The following RXFP1 variants were observed in gnomAD, a reference collection of about 807,000 sequenced individuals.
RXFP1 encodes the protein relaxin family peptide receptor 1.
RXFP1 carries 73 observed loss-of-function variants against 89.8 expected under a neutral mutation model. That is an observed-to-expected ratio of 0.81 (90% CI 0.67 to 0.99). RXFP1 has a LOEUF of 0.99. Ranked by LOEUF, RXFP1 falls within the 50% of genes least tolerant of loss-of-function variation. The pLI, the probability that RXFP1 is intolerant of heterozygous loss-of-function variation, is 0.00. For missense variants in RXFP1, 793 were observed against 895.5 expected (o/e 0.89, Z 1.46); for synonymous variants, 277 against 305.5 (o/e 0.91, Z 0.97).
At chr4:158,612,612 CTTTTT>C (rs1158067958) in intron 8 of RXFP1, among the ~76,000 whole-genome samples, 1 of 140,280 alleles carries the variant, frequency 7.1e-6, no homozygotes. Flanking sequence ...TCACAATATT[CTTTTT>C]TTTTTTTTTT....
At chr4:158,579,197 C>T (rs538336537) in intron 2 of RXFP1, among the ~76,000 whole-genome samples, 29 of 152,008 alleles carry the variant, frequency 1.9e-4, no homozygotes, top group African/African-American at 5.3e-4. Context: ...CCTTCTGAGA[C>T]GCTGTGGCCC....
chr4:158,647,155 T>C lies in RXFP1; in HGVS notation c.1710T>C (p.Asp570=), dbSNP rs375065372. 6 of 1,609,932 alleles carry C rather than the reference T, an allele frequency of 3.7e-6. No individual in the cohort carries two copies. Among genetic ancestry groups the C allele is most frequent in the East Asian group, 2.2e-5 (1 of 44,854 alleles). The change falls in exon 16 of 18, where the codon GAT becomes GAC. Residue 570 remains aspartate, a synonymous_variant. Coordinates refer to ENST00000307765, the MANE Select transcript of RXFP1 (RefSeq NM_021634.4). Reference sequence around the variant, plus strand: ...TATGCTTCCCTCTTCATTCAGAAGATACAGAAAGTATTGGAGCCCAGATTT... The same window carrying C: ...TATGCTTCCCTCTTCATTCAGAAGACACAGAAAGTATTGGAGCCCAGATTT... The part of the protein sequence containing the change: ...NGVCFPLHSE[D]TESIGAQIYS...
chr4:158,546,402 A>G (rs1748427246), intron 1 of RXFP1, among the ~76,000 whole-genome samples: 1 of 152,170 alleles, frequency 6.6e-6, no homozygotes, highest in Non-Finnish European at 1.5e-5. Flanking sequence ...GCAAACAGGG[A>G]CAATTTGACT....
intron 3 of RXFP1, among the ~76,000 whole-genome samples, chr4:158,597,688 T>A (rs1466956361): frequency 1.3e-5 from 2 of 152,178 alleles, no homozygotes; most frequent in Non-Finnish European, 2.9e-5. Context: ...ATATGAATTA[T>A]CTTAATTTAG....
At chr4:158,644,824 C>T (rs1433049880) in intron 14 of RXFP1, 85 bp from the exon 15 acceptor site, 12 of 903,870 alleles carry the variant, frequency 1.3e-5, no homozygotes, top group Middle Eastern at 2.4e-4. Context: ...TTCTTTCTAC[C>T]GATAAAATGT....
intron 1 of RXFP1, chr4:158,544,326 G>A (rs1747633549): frequency 2.0e-6 from 2 of 985,152 alleles, no homozygotes; most frequent in Non-Finnish European, 2.4e-6. Context: ...AAAACACTCT[G>A]ATGAGACAGC....
Position 158,652,769 on chromosome 4 carries a change from G to A in RXFP1, c.*714G>A, listed in dbSNP as rs1205417330. The A allele has an allele frequency of 2.6e-5, 4 of 152,200 alleles. No individual in the cohort carries two copies. Among genetic ancestry groups the A allele is most frequent in the South Asian group, 2.1e-4 (1 of 4,834 alleles). The allele number at this position is 152,200 out of a possible 1,614,324, so 9.4% of individuals were successfully genotyped here. A position where few individuals can be genotyped will look rare whatever the true frequency, so the allele number is the denominator to read the frequency against. ...ATGGAATTGGAATAGGAGAGTATGA[G>A]TACGGCAGAGAAGTGGATCAGAAAA... On this transcript the variant is annotated 3_prime_UTR_variant, in exon 18 of 18. Coordinates refer to ENST00000307765, the MANE Select transcript of RXFP1 (RefSeq NM_021634.4).
rs947262146 is a variant in RXFP1 at position 158,646,486 on chromosome 4, G to C, written c.1346-305G>C. 4 of 1,250,382 alleles carry C rather than the reference G, an allele frequency of 3.2e-6. No homozygotes were observed. The African/African-American group carries it at 6.2e-5, about 19-fold the overall frequency. 77.5% of individuals were successfully genotyped at this position (1,250,382 alleles called of 1,614,324 possible). ...GTGATTGCATTTTGTTCATTTATTC[G>C]ACACTTCTATGTGATGGGTCTAGAA... On this transcript the variant is annotated intron_variant, in intron 15 of 17. Coordinates refer to ENST00000307765, the MANE Select transcript of RXFP1 (RefSeq NM_021634.4).
At chr4:158,590,061 T>A (rs1193373974) in intron 2 of RXFP1, among the ~76,000 whole-genome samples, 7 of 151,948 alleles carry the variant, frequency 4.6e-5, no homozygotes, top group East Asian at 1.9e-4. Context: ...CAAAAAAAAA[T>A]TTTTTTAATG....
intron 9 of RXFP1, among the ~76,000 whole-genome samples, chr4:158,617,591 G>T (rs1325889804): frequency 3.3e-5 from 5 of 151,762 alleles, no homozygotes; most frequent in Non-Finnish European, 5.9e-5. Flanking sequence ...TGAATAATAA[G>T]AATATGATAT....
intron 11 of RXFP1, among the ~76,000 whole-genome samples, chr4:158,629,198 A>G (rs978522359): frequency 6.6e-6 from 1 of 151,862 alleles, no homozygotes; most frequent in African/African-American, 2.4e-5. Flanking sequence ...TTACAGGTGC[A>G]TCCCACCATG....
Position 158,542,109 on chromosome 4 carries a change from A to ATATATATTAT in RXFP1, c.49+20085_49+20086insATATATTATT. Among the ~76,000 whole-genome samples, 6 of 35,242 alleles carry ATATATATTAT rather than the reference A, an allele frequency of 1.7e-4. 1 individual carries two copies. The highest frequency in any genetic ancestry group is 8.1e-4 in the South Asian group (1 of 1,230). The allele number at this position is 35,242 out of a possible 152,430, so 23.1% of individuals were successfully genotyped here. A position where few individuals can be genotyped will look rare whatever the true frequency, so the allele number is the denominator to read the frequency against. On this transcript the variant is annotated intron_variant, in intron 1 of 17. Transcript: ENST00000307765. ...TATATATATATATATATATATATATATTTTTTTTTTAGTAGAGACAGGGTT... is the reference window on the plus strand; with the variant it reads ...TATATATATATATATATATATATATATATATATTATTTTTTTTTTTAGTAGAGACAGGGTT...
intron 1 of RXFP1, among the ~76,000 whole-genome samples, chr4:158,541,195 C>A (rs1746519228): frequency 6.6e-6 from 1 of 152,068 alleles, no homozygotes; most frequent in Non-Finnish European, 1.5e-5. Context: ...TCTCTAAATG[C>A]CTTTGAAATT....
At chr4:158,525,179 C>G (rs1168780861) in intron 1 of RXFP1, among the ~76,000 whole-genome samples, 1 of 148,116 alleles carries the variant, frequency 6.8e-6, no homozygotes, top group Non-Finnish European at 1.5e-5. Context: ...TACCAATATG[C>G]AGACCACAGA....
At chr4:158,523,203 G>T (rs560541254) in intron 1 of RXFP1, among the ~76,000 whole-genome samples, 1 of 152,138 alleles carries the variant, frequency 6.6e-6, no homozygotes, top group South Asian at 2.1e-4. Context: ...AATTATAATT[G>T]CATGTTTAAA....
chr4:158,551,072 A>G (rs1359161073), intron 1 of RXFP1, among the ~76,000 whole-genome samples: 2 of 151,330 alleles, frequency 1.3e-5, no homozygotes, highest in Non-Finnish European at 2.9e-5. Flanking sequence ...CTAAGTGTCC[A>G]TCAACAGATG....
intron 2 of RXFP1, among the ~76,000 whole-genome samples, chr4:158,585,171 A>C (rs1449238741): frequency 1.3e-5 from 2 of 152,356 alleles, no homozygotes; most frequent in East Asian, 3.9e-4. Flanking sequence ...ATGTACTAAT[A>C]GGTGTCATAT....
At chr4:158,546,648 T>G (rs144123432) in intron 1 of RXFP1, among the ~76,000 whole-genome samples, 1 of 151,958 alleles carries the variant, frequency 6.6e-6, no homozygotes, top group Non-Finnish European at 1.5e-5. Context: ...TTATTGAGAG[T>G]TTTTAGCATG....
At position 158,646,885 on chromosome 4, in the gene RXFP1, G is replaced by A; in HGVS notation, c.1440G>A (p.Met480Ile). 1 of 1,614,136 alleles carries A rather than the reference G, an allele frequency of 6.2e-7. No homozygotes were observed. The highest frequency in any genetic ancestry group is 8.5e-7 in the Non-Finnish European group (1 of 1,180,000). ...ACAATAAGCATGCGCAGCTGTGGATGGAGAGTACTCATTGTCAGCTTGTAG... is the reference window on the plus strand; with the variant it reads ...ACAATAAGCATGCGCAGCTGTGGATAGAGAGTACTCATTGTCAGCTTGTAG... ...GEYNKHAQLW[M>I]ESTHCQLVGS... is the part of the protein sequence containing the mutation. The change falls in exon 16 of 18, where the codon ATG becomes ATA. Residue 480 changes from methionine to isoleucine, a missense_variant. Met to Ile is a conservative substitution (Grantham distance 10). Coordinates refer to ENST00000307765, the MANE Select transcript of RXFP1 (RefSeq NM_021634.4).
Sources: gnomAD v4.1 joint callset for allele counts (sites outside exome capture counted in the v4.1 genomes callset) on GRCh38, gnomAD v4.1.1 for gene constraint, MANE v1.5 for transcripts, NCBI Gene and HGNC (gene_info 2026-07-23, HGNC 2026-07-21) for gene names.